DKC1: variants seen among roughly 807,000 people sequenced by gnomAD.
The protein encoded by DKC1 is H/ACA ribonucleoprotein complex subunit DKC1.
Under a neutral mutation model 46.7 loss-of-function variants are expected in DKC1, and 4 were observed. The observed-to-expected ratio is 0.09, with a 90% CI of 0.04 to 0.20. The LOEUF (loss-of-function observed/expected upper bound fraction) is 0.20, where lower values mean the gene tolerates loss of function less well. Ranked by LOEUF, DKC1 falls within the 10% of genes least tolerant of loss-of-function variation. DKC1 has a pLI of 1.00. For missense variants in DKC1, 171 were observed against 404.2 expected, an observed-to-expected ratio of 0.42 and a Z score of 4.95; for synonymous variants, 141 against 142.4, an observed-to-expected ratio of 0.99 and a Z score of 0.07.
At chrX:154,773,925 G>A (rs944120684) in intron 11 of DKC1, among the ~76,000 whole-genome samples, 1 of 108,156 alleles carries the variant, frequency 9.2e-6, no homozygotes, top group Admixed American at 9.5e-5. Flanking sequence ...CTGGCCGGGC[G>A]GGGGGGCTGA....
intron 1 of DKC1, among the ~76,000 whole-genome samples, chrX:154,763,434 A>G (rs931817654): frequency 1.8e-5 from 2 of 112,303 alleles, no homozygotes; most frequent in Non-Finnish European, 3.8e-5. Flanking sequence ...TCTAGAGGCC[A>G]CAAGCCCGCG....
At position 154,766,182 on chromosome X, in the gene DKC1, G is replaced by T. The variant is rs368837525; in HGVS notation, c.264-34G>T. ...TTGTTTCACTGGAGCATTAAGAGTG[G>T]GTGATACATTAATTTTTTTTTTTTC... On this transcript the variant is annotated intron_variant, in intron 4 of 14. Coordinates refer to ENST00000369550, the MANE Select transcript of DKC1 (RefSeq NM_001363.5). The T allele has an allele frequency of 6.0e-4, 700 of 1,172,698 alleles. 5 individuals are homozygous for T. In the South Asian group the frequency reaches 0.012, roughly 20 times the overall value.
In DKC1 at chrX:154,776,792, T is replaced by C; in HGVS notation, c.1477-7T>C. Reference sequence around the variant, plus strand: ...TATCTGTGAGCTTTCATTCTCTTTCTTTCTAGGACAGTGATACCACCAAGA... The same window carrying C: ...TATCTGTGAGCTTTCATTCTCTTTCCTTCTAGGACAGTGATACCACCAAGA... On this transcript the variant is annotated splice_polypyrimidine_tract_variant and splice_region_variant and intron_variant, in intron 14 of 14. Transcript: ENST00000369550. 1.7e-6 allele frequency: 2 copies of C among 1,206,606 alleles called. No individual in the cohort carries two copies. The highest frequency in any genetic ancestry group is 2.2e-6 in the Non-Finnish European group (2 of 891,863).
At chrX:154,774,238 G>T (rs2071866255) in intron 11 of DKC1, among the ~76,000 whole-genome samples, 1 of 112,056 alleles carries the variant, frequency 8.9e-6, no homozygotes, top group Non-Finnish European at 1.9e-5. Context: ...AGTGGTCAAG[G>T]AGTCTGGTCA....
At chrX:154,771,117 A>G (rs1223268406) in intron 10 of DKC1, among the ~76,000 whole-genome samples, 1 of 107,810 alleles carries the variant, frequency 9.3e-6, no homozygotes, top group Admixed American at 9.9e-5. Context: ...ATTATTGATT[A>G]TAGTCACCCC....
chrX:154,776,377 A>G, intron 14 of DKC1, 53 bp downstream of exon 14: 1 of 1,156,952 alleles, frequency 8.6e-7, no homozygotes, highest in Non-Finnish European at 1.2e-6. Flanking sequence ...CTGCGTGGGG[A>G]AAGAATTACC....
chrX:154,774,516 A>C, intron 11 of DKC1, 86 bp from the exon 12 acceptor site: 1 of 848,394 alleles, frequency 1.2e-6, no homozygotes, highest in Non-Finnish European at 1.7e-6. Flanking sequence ...TACACCAGGG[A>C]GGAACCTTGT....
Position 154,770,404 on chromosome X carries a change from G to A in DKC1, c.916-355G>A, listed in dbSNP as rs782428677. 1.1e-4 allele frequency among the ~76,000 whole-genome samples: 11 copies of A among 103,649 alleles called. No homozygotes were observed. In the East Asian group the frequency reaches 3.5e-3, roughly 33 times the overall value. The allele number at this position is 103,649 out of a possible 115,157, so 90.0% of individuals were successfully genotyped here. ...TTGAACTTGGGAGATGGAGGTTGCA[G>A]TGAGCCGAGAATGTGCCACTGCACT... On this transcript the variant is annotated intron_variant, in intron 9 of 14. Coordinates refer to ENST00000369550, the MANE Select transcript of DKC1 (RefSeq NM_001363.5).
At chrX:154,766,109 A>T (rs1378299003) in intron 4 of DKC1, 107 bp from the exon 5 acceptor site, 2 of 1,002,862 alleles carry the variant, frequency 2.0e-6, no homozygotes, top group African/African-American at 3.7e-5. Context: ...TTGAATATAT[A>T]ACCTGTACCC....
At chrX:154,768,930 T>C (rs2148512170) in intron 8 of DKC1, 1 of 322,833 alleles carries the variant, frequency 3.1e-6, no homozygotes, top group Non-Finnish European at 5.2e-6. Flanking sequence ...GAGCTTGCAG[T>C]GAGCCGAGAT....
chrX:154,772,276 C>A (rs782470789), intron 10 of DKC1, among the ~76,000 whole-genome samples: 1 of 111,727 alleles, frequency 9.0e-6, no homozygotes, highest in Non-Finnish European at 1.9e-5. Context: ...GGGTAGTTTG[C>A]GGATATTTTC....
intron 10 of DKC1, among the ~76,000 whole-genome samples, chrX:154,771,187 G>GTTTTT (rs35962335): frequency 1.4e-4 from 9 of 64,475 alleles, no homozygotes; most frequent in South Asian, 1.0e-3. Context: ...TGGTGGTGGT[G>GTTTTT]TTTTTTTTTT....
chrX:154,766,046 T>C, intron 4 of DKC1, 48 bp downstream of exon 4: 1 of 1,069,665 alleles, frequency 9.3e-7, no homozygotes, highest in Non-Finnish European at 1.3e-6. Flanking sequence ...CTTTTGAAAA[T>C]GCTTTCACAT....
chrX:154,775,700 C>G (rs1333374039), intron 13 of DKC1, among the ~76,000 whole-genome samples: 2 of 112,216 alleles, frequency 1.8e-5, no homozygotes, highest in Non-Finnish European at 3.8e-5. Context: ...GCATCTTAAC[C>G]TGGCACCACC....
intron 6 of DKC1, 91 bp downstream of exon 6, chrX:154,767,152 CTCCT>C: frequency 2.5e-6 from 3 of 1,181,042 alleles, no homozygotes; most frequent in Non-Finnish European, 3.5e-6. Flanking sequence ...TCCTGACTGA[CTCCT>C]TTTGTCCCCT....
At chrX:154,767,868 T>G (rs1200049727) in intron 7 of DKC1, among the ~76,000 whole-genome samples, 1 of 95,344 alleles carries the variant, frequency 1.0e-5, no homozygotes, top group Non-Finnish European at 2.1e-5. Context: ...TTTTTTTTTT[T>G]GAGACGGAGT....
chrX:154,771,748 C>T (rs1171093854), intron 10 of DKC1, among the ~76,000 whole-genome samples: 7 of 111,779 alleles, frequency 6.3e-5, no homozygotes, highest in Non-Finnish European at 1.1e-4. Flanking sequence ...AATAGTAATC[C>T]ATCGTGTATA....
At chrX:154,768,993 CAAAAAAAAAAA>C (rs1158256142) in intron 8 of DKC1, among the ~76,000 whole-genome samples, 163 bp from the exon 9 acceptor site, 2 of 16,336 alleles carry the variant, frequency 1.2e-4, no homozygotes, top group African/African-American at 3.1e-4. Context: ...GACTCCGTCT[CAAAAAAAAAAA>C]AAAAAAAAAA....
intron 2 of DKC1, 186 bp downstream of exon 2, chrX:154,765,152 T>C (rs1381805361): frequency 1.2e-5 from 6 of 481,316 alleles, no homozygotes; most frequent in Non-Finnish European, 2.2e-5. Context: ...CAGGCATAGC[T>C]TACTAAATGG....
Sources: gnomAD v4.1 joint callset for allele counts (sites outside exome capture counted in the v4.1 genomes callset) on GRCh38, gnomAD v4.1.1 for gene constraint, MANE v1.5 for transcripts, NCBI Gene and HGNC (gene_info 2026-07-23, HGNC 2026-07-21) for gene names.